LRRC8A: variants seen among roughly 807,000 people sequenced by gnomAD.
LRRC8A encodes volume-regulated anion channel subunit LRRC8A.
LRRC8A carries 24 observed loss-of-function variants against 52.5 expected under a neutral mutation model. The observed-to-expected ratio is 0.46, with a 90% CI of 0.33 to 0.64. The LOEUF is 0.64. LRRC8A is among the 30% of genes least tolerant of loss of function. The pLI is 0.02. For missense variants in LRRC8A, 677 were observed against 1,094.7 expected (o/e 0.62, Z 5.38); for synonymous variants, 492 against 494.2 (o/e 1.00, Z 0.06).
At chr9:128,891,970 A>G (rs1839639451) in intron 2 of LRRC8A, among the ~76,000 whole-genome samples, 3 of 152,260 alleles carry the variant, frequency 2.0e-5, no homozygotes, top group South Asian at 2.1e-4. Flanking sequence ...AAACTCTACC[A>G]TAATAATAAC....
intron 2 of LRRC8A, among the ~76,000 whole-genome samples, chr9:128,891,334 C>T (rs1839609179): frequency 6.7e-6 from 1 of 150,338 alleles, no homozygotes; most frequent in South Asian, 2.1e-4. Flanking sequence ...GAGGTTGAGA[C>T]TGGAGGACTG....
At chr9:128,883,982 CA>C (rs773165111) in intron 1 of LRRC8A, among the ~76,000 whole-genome samples, 6,060 of 142,946 alleles carry the variant, frequency 0.042, 140 homozygotes, top group Middle Eastern at 0.077. Context: ...CTCAAAAAAA[CA>C]AAAAAAAAAA....
intron 3 of LRRC8A, among the ~76,000 whole-genome samples, chr9:128,914,903 CCT>C (rs1438936559): frequency 3.9e-5 from 6 of 152,200 alleles, no homozygotes; most frequent in East Asian, 1.9e-4. Flanking sequence ...ACTGCAGCCC[CCT>C]GTTTGCTCCT....
rs1258636055 is a variant in LRRC8A at position 128,916,347 on chromosome 9, G to T, written c.2409G>T (p.Trp803Cys). The T allele has an allele frequency of 3.1e-6, 5 of 1,611,754 alleles. No individual in the cohort carries two copies. The highest frequency in any genetic ancestry group is 4.2e-6 in the Non-Finnish European group (5 of 1,179,846). ...CACCCGAGGTGAAGGAGCGGCTGTG[G>T]AGGGCTGACAAGGAGCAGGCCTGAG... ...TLPPEVKERL[W>C]RADKEQA The change falls in exon 4 of 4, where the codon TGG becomes TGT. Residue 803 changes from tryptophan to cysteine, a missense_variant. By Grantham distance (215) the Trp-to-Cys change is radical (BLOSUM62 -2). Transcript: ENST00000372600. This position sits in a 1 kb window ranked among gnomAD's most constrained non-coding sequence, Gnocchi z 6.1.
chr9:128,883,682 A>C (rs1193652195), intron 1 of LRRC8A, among the ~76,000 whole-genome samples: 1 of 152,188 alleles, frequency 6.6e-6, no homozygotes, highest in African/African-American at 2.4e-5. Flanking sequence ...GGTACAGAGC[A>C]GGGGGTGCAG....
chr9:128,900,422 T>G (rs1397532417), intron 2 of LRRC8A, among the ~76,000 whole-genome samples: 2 of 152,154 alleles, frequency 1.3e-5, no homozygotes, highest in Non-Finnish European at 2.9e-5. Flanking sequence ...TTAAAAGCAT[T>G]TGGGGGCTGG....
intron 2 of LRRC8A, among the ~76,000 whole-genome samples, chr9:128,905,852 A>G (rs1326120050): frequency 6.6e-6 from 1 of 152,108 alleles, no homozygotes; most frequent in Non-Finnish European, 1.5e-5. Context: ...CAAAAAAAAA[A>G]GAAAAATCAG....
intron 1 of LRRC8A, among the ~76,000 whole-genome samples, chr9:128,885,653 A>T (rs1295074352): frequency 6.6e-6 from 1 of 152,142 alleles, no homozygotes; most frequent in Non-Finnish European, 1.5e-5. Flanking sequence ...CATGCCTGTA[A>T]TCCCAATACT....
intron 2 of LRRC8A, among the ~76,000 whole-genome samples, chr9:128,895,798 C>T (rs1297443546): frequency 3.9e-5 from 6 of 152,200 alleles, no homozygotes; most frequent in Admixed American, 1.3e-4. Context: ...TGCTGCTCCC[C>T]GCTGAGCCTT....
chr9:128,907,009 C>T lies in LRRC8A; in HGVS notation c.-8-148C>T, dbSNP rs890981723. 1.5e-5 allele frequency: 11 copies of T among 734,472 alleles called. No individual in the cohort carries two copies. Among genetic ancestry groups the T allele is most frequent in the African/African-American group, 5.3e-5 (3 of 56,682 alleles). 45.5% of individuals were successfully genotyped at this position (734,472 alleles called of 1,614,324 possible). On this transcript the variant is annotated intron_variant, in intron 2 of 3. Coordinates refer to ENST00000372600, the MANE Select transcript of LRRC8A (RefSeq NM_019594.4). The surrounding 1 kb of genome is among the most constrained non-coding windows in gnomAD (Gnocchi z 9.3). The stretch of plus-strand genomic sequence containing the variant: ...AGAAGGGCTGATAAGTGGGCTGCCC[C>T]GTGGAGTAGGCAGGCTTTGGCTCCC...
At position 128,908,770 on chromosome 9, in the gene LRRC8A, G is replaced by A. The variant is rs138622041; in HGVS notation, c.1606G>A (p.Val536Ile). Residue 536 changes from valine (V) to isoleucine (I), a missense_variant, in exon 3 of 4, where the codon GTC becomes ATC. Val to Ile is a conservative substitution (Grantham distance 29). Transcript: ENST00000372600. ...NLSAENNRYI[V>I]IDGLRELKRL... ...GAGCGCGGAGAACAACCGCTACATC[G>A]TCATCGACGGGCTGCGGGAGCTCAA... The A allele has an allele frequency of 8.6e-4, 1,387 of 1,613,350 alleles. 13 individuals are homozygous for A. Among genetic ancestry groups the A allele is most frequent in the South Asian group, 4.5e-4 (41 of 91,084 alleles).
rs566305857 is a variant in LRRC8A at position 128,895,583 on chromosome 9, G to A, written c.-9+9462G>A. Among the ~76,000 whole-genome samples the A allele has an allele frequency of 2.0e-5, 3 of 152,324 alleles. No homozygotes were observed. In the South Asian group the frequency reaches 6.2e-4, roughly 32 times the overall value. Reference sequence around the variant, plus strand: ...TGCCCTGGCCCTGGCCAGGAACCTGGTCCCATTTGTCCTAGGCACCTGCTT... The same window carrying A: ...TGCCCTGGCCCTGGCCAGGAACCTGATCCCATTTGTCCTAGGCACCTGCTT... On this transcript the variant is annotated intron_variant, in intron 2 of 3. Coordinates refer to ENST00000372600, the MANE Select transcript of LRRC8A (RefSeq NM_019594.4).
Position 128,907,821 on chromosome 9 carries a change from C to T in LRRC8A, c.657C>T (p.Ile219=), listed in dbSNP as rs138096725. The T allele has an allele frequency of 4.5e-5, 72 of 1,613,856 alleles. No homozygotes were observed. Among genetic ancestry groups the T allele is most frequent in the Middle Eastern group, 1.6e-4 (1 of 6,084 alleles). Residue 219 remains isoleucine (I), a synonymous_variant, in exon 3 of 4, where the codon ATC becomes ATT. Transcript: ENST00000372600. The surrounding 1 kb of genome is among the most constrained non-coding windows in gnomAD (Gnocchi z 9.3). Reference sequence around the variant, plus strand: ...TGCTGCAGCGGACCAAGTCACGGATCGAGCAGGGTATCGTGGACCGCTCAG... The same window carrying T: ...TGCTGCAGCGGACCAAGTCACGGATTGAGCAGGGTATCGTGGACCGCTCAG... ...VPMLQRTKSR[I]EQGIVDRSET...
chr9:128,910,675 G>A (rs1429813640), intron 3 of LRRC8A, among the ~76,000 whole-genome samples: 1 of 152,180 alleles, frequency 6.6e-6, no homozygotes, highest in Non-Finnish European at 1.5e-5. Context: ...GGGCAATAGA[G>A]TGAGACCCAG....
chr9:128,885,828 G>C (rs574273003), intron 1 of LRRC8A, among the ~76,000 whole-genome samples, 187 bp from the exon 2 acceptor site: 1 of 152,292 alleles, frequency 6.6e-6, no homozygotes, highest in South Asian at 2.1e-4. Flanking sequence ...AGAATCACTT[G>C]AATGCGGGAG....
chr9:128,908,123 T>A lies in LRRC8A; in HGVS notation c.959T>A (p.Ile320Asn). ...CAHPLATLFK[I>N]LASFYISLVI... ...CACCCCCTGGCCACACTCTTCAAGATCCTGGCGTCCTTCTACATCAGCCTA... is the reference window on the plus strand; with the variant it reads ...CACCCCCTGGCCACACTCTTCAAGAACCTGGCGTCCTTCTACATCAGCCTA... Residue 320 changes from isoleucine (I) to asparagine (N), a missense_variant, in exon 3 of 4, where the codon ATC becomes AAC. Coordinates refer to ENST00000372600, the MANE Select transcript of LRRC8A (RefSeq NM_019594.4). 2 of 1,613,978 alleles carry A rather than the reference T, an allele frequency of 1.2e-6. No individual in the cohort carries two copies. The highest frequency in any genetic ancestry group is 2.2e-5 in the South Asian group (2 of 91,074).
chr9:128,888,688 G>T, intron 2 of LRRC8A, among the ~76,000 whole-genome samples: 1 of 152,088 alleles, frequency 6.6e-6, no homozygotes, highest in East Asian at 1.9e-4. Flanking sequence ...GCGGGGCTGC[G>T]AGAGCGTCTG....
In LRRC8A at chr9:128,916,071, C is replaced by G. The variant is rs778467791; in HGVS notation, c.2158-25C>G. ...CGTCCAAGCCCACACCCACCTCACT[C>G]TCACCCCTGCTTTTTTCCCTCCAGA... is the stretch of plus-strand genomic sequence containing the variant. On this transcript the variant is annotated intron_variant, in intron 3 of 3. Transcript: ENST00000372600. The surrounding 1 kb of genome is among the most constrained non-coding windows in gnomAD (Gnocchi z 6.1). The G allele has an allele frequency of 2.5e-6, 4 of 1,581,760 alleles. No homozygotes were observed. Among genetic ancestry groups the G allele is most frequent in the Admixed American group, 1.7e-5 (1 of 58,876 alleles).
intron 2 of LRRC8A, among the ~76,000 whole-genome samples, chr9:128,893,278 C>T (rs538839161): frequency 2.0e-4 from 30 of 152,256 alleles, no homozygotes; most frequent in Non-Finnish European, 3.7e-4. Context: ...CTTGAGGCTC[C>T]GCCCTCACCC....
Sources: gnomAD v4.1 joint callset for allele counts (sites outside exome capture counted in the v4.1 genomes callset) on GRCh38, gnomAD v4.1.1 for gene constraint, Gnocchi (gnomAD v3.1) non-coding constraint, MANE v1.5 for transcripts, NCBI Gene and HGNC (gene_info 2026-07-23, HGNC 2026-07-21) for gene names.